The following ERC2 variants were observed in gnomAD, a reference collection of about 807,000 sequenced individuals.
ERC2 encodes ELKS/RAB6-interacting/CAST family member 2.
In ERC2, 42 loss-of-function variants were observed where a neutral mutation model predicts 114.8. The observed-to-expected ratio is 0.37, with a 90% CI of 0.29 to 0.47. The LOEUF (loss-of-function observed/expected upper bound fraction) is 0.47. ERC2 is among the 20% of genes least tolerant of loss of function. The probability of loss-of-function intolerance (pLI) is 0.99; values close to 1 mark genes in which losing one functional copy is unlikely to be tolerated. For missense variants in ERC2, 939 were observed against 1,150.7 expected, an observed-to-expected ratio of 0.82 and a Z score of 2.66; for synonymous variants, 454 against 425.5, an observed-to-expected ratio of 1.07 and a Z score of -0.82.
chr3:55,622,496 T>G (rs908935415), intron 17 of ERC2, among the ~76,000 whole-genome samples: 1 of 151,978 alleles, frequency 6.6e-6, no homozygotes, highest in African/African-American at 2.4e-5. Flanking sequence ...AAGATAAAAG[T>G]GTGGAAAATA....
chr3:56,164,083 T>C (rs2082197631), intron 4 of ERC2, among the ~76,000 whole-genome samples: 1 of 152,000 alleles, frequency 6.6e-6, no homozygotes, highest in South Asian at 2.1e-4. Context: ...TCATTTCCTT[T>C]ATAATATTTT....
At chr3:55,575,946 G>C (rs920627200) in intron 17 of ERC2, among the ~76,000 whole-genome samples, 4 of 152,206 alleles carry the variant, frequency 2.6e-5, no homozygotes, top group African/African-American at 9.6e-5. Context: ...CTGAAACTCA[G>C]AGAGGCTGCT....
At chr3:56,006,449 A>C (rs2072499554) in intron 10 of ERC2, among the ~76,000 whole-genome samples, 1 of 152,002 alleles carries the variant, frequency 6.6e-6, no homozygotes, top group Admixed American at 6.6e-5. Flanking sequence ...ATGAGTTGTC[A>C]AAGGGAAACA....
At chr3:55,555,152 T>C (rs1462293846) in intron 17 of ERC2, among the ~76,000 whole-genome samples, 1 of 152,008 alleles carries the variant, frequency 6.6e-6, no homozygotes, top group Non-Finnish European at 1.5e-5. Flanking sequence ...AAAAGGACCA[T>C]AAAGGGCATT....
intron 14 of ERC2, among the ~76,000 whole-genome samples, chr3:55,842,247 A>C (rs2061166077): frequency 6.6e-6 from 1 of 151,974 alleles, no homozygotes; most frequent in African/African-American, 2.4e-5. Flanking sequence ...CTGTCTCTCC[A>C]AAAAAAAGAT....
At chr3:55,679,040 G>A (rs148921388) in intron 17 of ERC2, among the ~76,000 whole-genome samples, 1 of 152,208 alleles carries the variant, frequency 6.6e-6, no homozygotes, top group Non-Finnish European at 1.5e-5. Flanking sequence ...ACAGCAGCCA[G>A]GGTTGTTCTA....
At chr3:55,591,184 CTT>C (rs5849105) in intron 17 of ERC2, among the ~76,000 whole-genome samples, 188 of 144,536 alleles carry the variant, frequency 1.3e-3, no homozygotes, top group Non-Finnish European at 1.1e-3. Context: ...TGTCTTTTAG[CTT>C]TTTTTTTTTT....
chr3:55,808,773 T>C lies in ERC2; in HGVS notation c.2565-73855A>G, dbSNP rs958522234. ...ATAACTAAACATATATATATATATA[T>C]ATAATTGTGAGAGAATATGACTCTA... On this transcript the variant is annotated intron_variant, in intron 14 of 17. Transcript: ENST00000288221. Among the ~76,000 whole-genome samples the C allele has an allele frequency of 4.3e-3, 621 of 142,848 alleles. 8 individuals carry two copies. Among genetic ancestry groups the C allele is most frequent in the African/African-American group, 0.015 (592 of 38,422 alleles). 93.7% of individuals were successfully genotyped at this position (142,848 alleles called of 152,430 possible).
intron 17 of ERC2, among the ~76,000 whole-genome samples, chr3:55,596,389 C>T (rs377030894): frequency 2.0e-5 from 3 of 151,888 alleles, no homozygotes; most frequent in African/African-American, 7.3e-5. Flanking sequence ...CAAGACCAGC[C>T]TGGGCAACAT....
intron 14 of ERC2, among the ~76,000 whole-genome samples, chr3:55,860,251 C>G (rs2061972973): frequency 6.6e-6 from 1 of 152,086 alleles, no homozygotes; most frequent in South Asian, 2.1e-4. Context: ...GTCAAAAATC[C>G]TATAGTAAAC....
intron 14 of ERC2, among the ~76,000 whole-genome samples, chr3:55,816,776 A>AAC (rs950210323): frequency 3.3e-5 from 5 of 152,222 alleles, no homozygotes; most frequent in African/African-American, 9.6e-5. Flanking sequence ...CAAAAACAAA[A>AAC]AAAAACGAAA....
chr3:55,719,964 T>TTCTCTCCCTCCC (rs1472407427), intron 15 of ERC2, among the ~76,000 whole-genome samples: 2 of 148,108 alleles, frequency 1.4e-5, no homozygotes, highest in African/African-American at 2.5e-5. Context: ...CTTTCTTTCC[T>TTCTCTCCCTCCC]TCTCTCCCTC....
At chr3:56,140,400 A>G (rs2080783440) in intron 5 of ERC2, among the ~76,000 whole-genome samples, 1 of 152,164 alleles carries the variant, frequency 6.6e-6, no homozygotes, top group African/African-American at 2.4e-5. Context: ...TTGGTTTTGC[A>G]TGTTTTTAAA....
intron 1 of ERC2, among the ~76,000 whole-genome samples, chr3:56,461,765 C>G (rs756825033): frequency 1.3e-5 from 2 of 152,174 alleles, no homozygotes; most frequent in Non-Finnish European, 2.9e-5. Context: ...CAACATAAAT[C>G]TGGACCCTAA....
chr3:56,234,080 T>C (rs563421503), intron 3 of ERC2, among the ~76,000 whole-genome samples: 21 of 152,226 alleles, frequency 1.4e-4, no homozygotes, highest in Non-Finnish European at 2.6e-4. Flanking sequence ...GAAAGTGTTT[T>C]ATTTAATGTG....
intron 10 of ERC2, among the ~76,000 whole-genome samples, chr3:55,998,137 T>C (rs1223249825): frequency 2.0e-5 from 3 of 151,816 alleles, no homozygotes; most frequent in African/African-American, 7.2e-5. Context: ...TATTCAAAAA[T>C]TTGTGTATTA....
chr3:55,600,320 A>G (rs137878449), intron 17 of ERC2, among the ~76,000 whole-genome samples: 44 of 152,370 alleles, frequency 2.9e-4, no homozygotes, highest in Non-Finnish European at 4.0e-4. Flanking sequence ...GGTAAGCAGT[A>G]GAAATAATCT....
chr3:56,109,503 A>G (rs1204850241), intron 6 of ERC2, among the ~76,000 whole-genome samples: 2 of 152,150 alleles, frequency 1.3e-5, no homozygotes, highest in Non-Finnish European at 2.9e-5. Flanking sequence ...GAGTCTTAAA[A>G]TAGACTCTTG....
Position 56,434,619 on chromosome 3 carries a change from T to G in ERC2, c.389A>C (p.His130Pro). 2 of 1,613,970 alleles carry G rather than the reference T, an allele frequency of 1.2e-6. No individual in the cohort carries two copies. Among genetic ancestry groups the G allele is most frequent in the Non-Finnish European group, 1.7e-6 (2 of 1,179,894 alleles). Residue 130 changes from histidine to proline, a missense_variant, in exon 2 of 18, where the codon CAT (histidine) becomes CCT (proline). His to Pro is a moderately conservative substitution (Grantham distance 77, BLOSUM62 -2). This residue lies in a region of ERC2 where 281 missense variants were observed against 307.4 expected (regional missense o/e 0.91). Transcript: ENST00000288221. ...CATGGAGGGGACCTGGTGGTGGTGATGATGGGATGAGCCAGTCAGCCCACC... is the reference window on the plus strand; with the variant it reads ...CATGGAGGGGACCTGGTGGTGGTGAGGATGGGATGAGCCAGTCAGCCCACC... Reference protein sequence around the residue: ...QHGGLTGSSHHHHHQVPSMLR... With the variant: ...QHGGLTGSSHPHHHQVPSMLR...
Sources: gnomAD v4.1 joint callset for allele counts (sites outside exome capture counted in the v4.1 genomes callset) on GRCh38, gnomAD v4.1.1 for gene constraint, gnomAD v4.1.1 regional missense constraint, MANE v1.5 for transcripts, NCBI Gene and HGNC (gene_info 2026-07-23, HGNC 2026-07-21) for gene names.